Variants in UBA1 observed in about 807,000 individuals in gnomAD.
UBA1 encodes the protein ubiquitin-like modifier-activating enzyme 1.
In UBA1, 4 loss-of-function variants were observed where a neutral mutation model predicts 84.7. That is an observed-to-expected ratio of 0.05 (90% CI 0.02 to 0.11). UBA1 has a LOEUF of 0.11. Ranked by LOEUF, UBA1 falls within the 10% of genes least tolerant of loss-of-function variation. The pLI is 1.00. For missense variants in UBA1, 513 were observed against 902.8 expected, an observed-to-expected ratio of 0.57 and a Z score of 5.53; for synonymous variants, 364 against 362.6, an observed-to-expected ratio of 1.00 and a Z score of -0.04.
In UBA1 at chrX:47,210,924, T is replaced by C; in HGVS notation, c.2274+8T>C. ...ACCTTTGATGTCAACAATGTAAGTC[T>C]CCTTTCTAGGGTCTTCTGGGGTCAG... On this transcript the variant is annotated splice_region_variant and intron_variant, in intron 19 of 25. Coordinates refer to ENST00000335972, the MANE Select transcript of UBA1 (RefSeq NM_003334.4). The C allele has an allele frequency of 8.3e-7, 1 of 1,211,203 alleles. No individual in the cohort carries two copies. The highest frequency in any genetic ancestry group is 1.1e-6 in the Non-Finnish European group (1 of 895,124).
chrX:47,204,055 T>C (rs1556789643), intron 14 of UBA1, among the ~76,000 whole-genome samples: 1 of 109,694 alleles, frequency 9.1e-6, no homozygotes, highest in East Asian at 2.8e-4. Context: ...ACCCCTCCTT[T>C]TTCTTGTTCC....
intron 1 of UBA1, among the ~76,000 whole-genome samples, chrX:47,195,129 AT>A (rs1395858953): frequency 1.8e-5 from 2 of 111,431 alleles, no homozygotes; most frequent in Non-Finnish European, 3.8e-5. Flanking sequence ...CTGCCCTCAG[AT>A]CGTTTCAAGG....
At chrX:47,214,736 C>T in intron 25 of UBA1, 58 bp from the exon 26 acceptor site, 2 of 1,204,067 alleles carry the variant, frequency 1.7e-6, no homozygotes, top group Middle Eastern at 2.3e-4. Flanking sequence ...TACCTACCTG[C>T]CCATCCTCTC....
chrX:47,214,206 G>A lies in UBA1; in HGVS notation c.2839-121G>A, dbSNP rs191617179. 1.5e-3 allele frequency: 901 copies of A among 617,783 alleles called. 6 individuals carry two copies. The African/African-American group carries it at 0.018, about 12-fold the overall frequency. The allele number at this position is 617,783 out of a possible 1,213,427, so 50.9% of individuals were successfully genotyped here. A position where few individuals can be genotyped will look rare whatever the true frequency, so the allele number is the denominator to read the frequency against. ...GAGATAGGAACCACAAGAGGATTTC[G>A]AACAAAAGAGGGTTGTGATCTGACT... On this transcript the variant is annotated intron_variant, in intron 23 of 25. Coordinates refer to ENST00000335972, the MANE Select transcript of UBA1 (RefSeq NM_003334.4).
intron 14 of UBA1, among the ~76,000 whole-genome samples, chrX:47,204,479 A>G (rs1936577034): frequency 9.0e-6 from 1 of 111,284 alleles, no homozygotes; most frequent in Non-Finnish European, 1.9e-5. Flanking sequence ...AGCTTGTTAG[A>G]CTCAGCACCA....
rs782393590 is a variant in UBA1, at chrX:47,203,102, C to G, written c.1339-32C>G. On this transcript the variant is annotated intron_variant, in intron 12 of 25. Coordinates refer to ENST00000335972, the MANE Select transcript of UBA1 (RefSeq NM_003334.4). The stretch of plus-strand genomic sequence containing the variant: ...TCATTGGGGACATTTCTGGGGAGGC[C>G]TCTCTAACCCTCCTCCCTTTGCATT... 7.5e-6 allele frequency: 9 copies of G among 1,207,515 alleles called. No homozygotes were observed. The South Asian group carries it at 1.4e-4, about 19-fold the overall frequency.
chrX:47,207,396 G>T (rs74913544), intron 16 of UBA1, among the ~76,000 whole-genome samples: 5 of 111,883 alleles, frequency 4.5e-5, no homozygotes, highest in Non-Finnish European at 7.5e-5. Flanking sequence ...AAAAATAAAA[G>T]AAAAAAAGAT....
intron 20 of UBA1, 57 bp from the exon 21 acceptor site, chrX:47,212,367 C>T: frequency 4.3e-6 from 4 of 936,945 alleles, no homozygotes; most frequent in Non-Finnish European, 6.2e-6. Flanking sequence ...CTCTCATTTC[C>T]ATCTCAGACC....
At position 47,203,128 on chromosome X, in the gene UBA1, C is replaced by G; in HGVS notation, c.1339-6C>G. 1 of 1,211,477 alleles carries G rather than the reference C, an allele frequency of 8.3e-7. No homozygotes were observed. The highest frequency in any genetic ancestry group is 1.1e-6 in the Non-Finnish European group (1 of 895,310). On this transcript the variant is annotated splice_region_variant and splice_polypyrimidine_tract_variant and intron_variant, in intron 12 of 25. Transcript: ENST00000335972. ...TCTCTAACCCTCCTCCCTTTGCATT[C>G]CTTAGCGCCAGAACCGTTATGACGG...
At chrX:47,206,619 C>CA in intron 16 of UBA1, 175 bp downstream of exon 16, 1 of 471,429 alleles carries the variant, frequency 2.1e-6, no homozygotes, top group Non-Finnish European at 3.6e-6. Context: ...TAGAATGACT[C>CA]ATTCTTTTTT....
At chrX:47,212,098 A>C (rs1936947843) in intron 20 of UBA1, among the ~76,000 whole-genome samples, 1 of 97,669 alleles carries the variant, frequency 1.0e-5, no homozygotes, top group African/African-American at 3.9e-5. Context: ...TGTTCCCCCC[A>C]TCTTGCTCTA....
chrX:47,199,857 A>G (rs1556787124), intron 5 of UBA1, among the ~76,000 whole-genome samples: 2 of 106,191 alleles, frequency 1.9e-5, no homozygotes, highest in East Asian at 2.9e-4. Flanking sequence ...ATCTCGGCTC[A>G]CTGCAAGCTA....
At chrX:47,208,155 T>C (rs12007789) in intron 16 of UBA1, among the ~76,000 whole-genome samples, 9,250 of 112,468 alleles carry the variant, frequency 0.082, 935 homozygotes, top group African/African-American at 0.28. Context: ...AGGCCAGAAG[T>C]TCTGTCTTGT....
chrX:47,206,141 A>T (rs781848132), intron 15 of UBA1, 28 bp downstream of exon 15: 13 of 1,189,325 alleles, frequency 1.1e-5, no homozygotes, highest in Middle Eastern at 4.6e-4. Context: ...TGAGGTGGTC[A>T]CGGGCAAAGT....
intron 5 of UBA1, among the ~76,000 whole-genome samples, chrX:47,200,454 T>C (rs1936362503): frequency 8.9e-6 from 1 of 111,980 alleles, no homozygotes; most frequent in Non-Finnish European, 1.9e-5. Context: ...GAGTAGGAGC[T>C]CACCCTGGTG....
At chrX:47,199,402 C>T (rs1556786754) in intron 4 of UBA1, 25 bp downstream of exon 4, 2 of 1,212,084 alleles carry the variant, frequency 1.7e-6, no homozygotes. Context: ...CACCCTTCCC[C>T]CTTTCCCCCT....
chrX:47,191,142 CTG>C (rs1411839623), upstream of UBA1, among the ~76,000 whole-genome samples: 34 of 111,501 alleles, frequency 3.0e-4, no homozygotes, highest in African/African-American at 1.1e-3. Flanking sequence ...ATTTGGGAGT[CTG>C]TTTCGGGGAG....
At chrX:47,197,769 C>T in intron 1 of UBA1, 1 of 444,750 alleles carries the variant, frequency 2.2e-6, no homozygotes, top group Non-Finnish European at 2.8e-6. Flanking sequence ...GCCTGGGCTT[C>T]AGAGTCAGCA....
chrX:47,194,885 C>T (rs1936146719), intron 1 of UBA1, among the ~76,000 whole-genome samples: 1 of 112,009 alleles, frequency 8.9e-6, no homozygotes, highest in South Asian at 3.7e-4. Context: ...CACCTTGAAC[C>T]CCCAGAGCCT....
Sources: gnomAD v4.1 joint callset for allele counts (sites outside exome capture counted in the v4.1 genomes callset) on GRCh38, gnomAD v4.1.1 for gene constraint, MANE v1.5 for transcripts, NCBI Gene and HGNC (gene_info 2026-07-23, HGNC 2026-07-21) for gene names.